The following SLC14A2 variants were observed in gnomAD, a reference collection of about 807,000 sequenced individuals.
SLC14A2 encodes solute carrier family 14 member 2.
A neutral mutation model predicts 104.6 loss-of-function variants in SLC14A2; 91 were observed. The ratio of observed to expected loss-of-function variants is 0.87; its 90% CI spans 0.73 to 1.04. The LOEUF is 1.04. Among genes scored for constraint, SLC14A2 ranks in the 50% least tolerant of loss-of-function variants. SLC14A2 has a pLI of 0.00. For synonymous variants in SLC14A2, 476 were observed against 466.4 expected (o/e 1.02, Z -0.27); for missense variants, 1,189 against 1,156.0 (o/e 1.03, Z -0.41).
chr18:45,650,418 A>G (rs2045712943), intron 10 of SLC14A2, among the ~76,000 whole-genome samples: 2 of 152,018 alleles, frequency 1.3e-5, no homozygotes, highest in African/African-American at 4.8e-5. Flanking sequence ...CCCTTAATCC[A>G]TCACAGATGG....
chr18:45,528,050 T>C (rs2043622294), intron 2 of SLC14A2: 1 of 152,048 alleles, frequency 6.6e-6, no homozygotes, highest in African/African-American at 2.4e-5. Context: ...ATGACATCCA[T>C]GTGGGAATTA....
intron 4 of SLC14A2, among the ~76,000 whole-genome samples, chr18:45,627,545 C>A (rs769106552): frequency 6.6e-6 from 1 of 152,086 alleles, no homozygotes; most frequent in Non-Finnish European, 1.5e-5. Context: ...AGAGAGGCTA[C>A]CTCTGAGTTA....
intron 2 of SLC14A2, among the ~76,000 whole-genome samples, chr18:45,583,083 AGAAGGGAAGCAG>A (rs1320402829): frequency 1.3e-5 from 2 of 152,244 alleles, no homozygotes; most frequent in East Asian, 3.9e-4. Context: ...GAGACATTGG[AGAAGGGAAGCAG>A]GAAGGAGTAG....
chr18:45,579,687 C>A (rs776973824), intron 2 of SLC14A2, among the ~76,000 whole-genome samples: 1 of 152,218 alleles, frequency 6.6e-6, no homozygotes, highest in Non-Finnish European at 1.5e-5. Context: ...CTGCACCAGG[C>A]CCACAACAGG....
At chr18:45,443,986 C>T (rs1361086437) in intron 1 of SLC14A2, among the ~76,000 whole-genome samples, 1 of 152,132 alleles carries the variant, frequency 6.6e-6, no homozygotes, top group Non-Finnish European at 1.5e-5. Context: ...CCTGGAAACA[C>T]ACATGGAGAG....
At chr18:45,315,828 C>G (rs1471315959) in intron 1 of SLC14A2, among the ~76,000 whole-genome samples, 1 of 152,186 alleles carries the variant, frequency 6.6e-6, no homozygotes, top group South Asian at 2.1e-4. Flanking sequence ...ATATGTGGAG[C>G]TAAAGGAGAA....
In SLC14A2 at chr18:45,290,143, G is replaced by A. The variant is rs73427956; in HGVS notation, c.-125+76952G>A. Among the ~76,000 whole-genome samples the A allele has an allele frequency of 8.1e-3, 1,226 of 152,190 alleles. 16 individuals are homozygous for A. Among genetic ancestry groups the A allele is most frequent in the African/African-American group, 0.028 (1,156 of 41,526 alleles). ...TATTTTAGATTTCGGGGGCATATGTGCAGGTTTGTTACACAAGTATATTGC... is the reference window on the plus strand; with the variant it reads ...TATTTTAGATTTCGGGGGCATATGTACAGGTTTGTTACACAAGTATATTGC... On this transcript the variant is annotated intron_variant, in intron 1 of 20. Coordinates refer to the SLC14A2 transcript ENST00000586448.
chr18:45,200,376 C>G, the SLC14A2 span, among the ~76,000 whole-genome samples: 16 of 152,160 alleles, frequency 1.1e-4, no homozygotes, highest in African/African-American at 3.9e-4. Context: ...GAAACTAATG[C>G]CTTCCTTACC....
chr18:45,456,571 C>G (rs1187565482), intron 1 of SLC14A2, among the ~76,000 whole-genome samples: 1 of 152,196 alleles, frequency 6.6e-6, no homozygotes, highest in Non-Finnish European at 1.5e-5. Flanking sequence ...GGATTGGGGC[C>G]AGCTCTAAGA....
At chr18:45,426,543 C>A (rs886892460) in intron 1 of SLC14A2, among the ~76,000 whole-genome samples, 1 of 135,118 alleles carries the variant, frequency 7.4e-6, no homozygotes, top group Non-Finnish European at 1.6e-5. Context: ...ATGAGATCAG[C>A]ATGTGTGTGT....
intron 1 of SLC14A2, among the ~76,000 whole-genome samples, chr18:45,254,046 C>T (rs929023481): frequency 2.0e-5 from 3 of 152,094 alleles, no homozygotes; most frequent in Non-Finnish European, 4.4e-5. Context: ...TAGGGGTCAT[C>T]CAGGCACATA....
At chr18:45,301,780 C>T (rs2084971402) in intron 1 of SLC14A2, among the ~76,000 whole-genome samples, 1 of 152,180 alleles carries the variant, frequency 6.6e-6, no homozygotes, top group Admixed American at 6.5e-5. Flanking sequence ...ATTTTGTATC[C>T]TGAACAGTCT....
chr18:45,212,456 G>C (rs917445145), upstream of SLC14A2, among the ~76,000 whole-genome samples: 3 of 152,122 alleles, frequency 2.0e-5, no homozygotes, highest in Non-Finnish European at 4.4e-5. Flanking sequence ...GGCAATAGTA[G>C]GCACCTCTTG....
intron 1 of SLC14A2, among the ~76,000 whole-genome samples, chr18:45,259,554 T>C (rs2084514693): frequency 6.6e-6 from 1 of 151,934 alleles, no homozygotes; most frequent in South Asian, 2.1e-4. Flanking sequence ...GTGAGAGAAA[T>C]ACAAAGAGAA....
chr18:45,678,850 T>A, intron 18 of SLC14A2, 125 bp from the exon 19 acceptor site: 1 of 892,142 alleles, frequency 1.1e-6, no homozygotes, highest in African/African-American at 1.7e-5. Flanking sequence ...TAACTCAAAT[T>A]TTTAAAAAAT....
In SLC14A2 at chr18:45,682,727, T is replaced by C; in HGVS notation, c.*208T>C. Reference sequence around the variant, plus strand: ...AAAGATATGTTTAGTTTAGACTTTATACCCTTAGCTTTCCCATAAGAGCTC... The same window carrying C: ...AAAGATATGTTTAGTTTAGACTTTACACCCTTAGCTTTCCCATAAGAGCTC... On this transcript the variant is annotated 3_prime_UTR_variant, in exon 20 of 20. Transcript: ENST00000255226. The C allele has an allele frequency of 3.7e-6, 2 of 543,806 alleles. No individual in the cohort carries two copies. The allele number at this position is 543,806 out of a possible 1,614,324, so 33.7% of individuals were successfully genotyped here.
At chr18:45,210,845 T>G (rs2083955482), upstream of SLC14A2, among the ~76,000 whole-genome samples, 1 of 152,214 alleles carries the variant, frequency 6.6e-6, no homozygotes, top group African/African-American at 2.4e-5. Context: ...ATGGAATGTG[T>G]TGTTGTGCAT....
intron 1 of SLC14A2, among the ~76,000 whole-genome samples, chr18:45,322,740 A>G (rs992941221): frequency 2.3e-4 from 35 of 152,172 alleles, no homozygotes; most frequent in African/African-American, 8.2e-4. Flanking sequence ...CATCAAGACT[A>G]CTTCTCAAGC....
At chr18:45,643,296 C>T (rs2045562117) in intron 9 of SLC14A2, 115 bp downstream of exon 9, 1 of 864,508 alleles carries the variant, frequency 1.2e-6, no homozygotes, top group South Asian at 1.4e-5. Flanking sequence ...AGCTGGTGCT[C>T]ACACGACATC....
Sources: allele counts gnomAD v4.1 joint callset (sites outside exome capture counted in the v4.1 genomes callset), GRCh38; gene constraint gnomAD v4.1.1; transcripts MANE v1.5; gene names NCBI Gene and HGNC (gene_info 2026-07-23, HGNC 2026-07-21).